CCDC88A: variants seen among roughly 807,000 people sequenced by gnomAD.
The protein encoded by CCDC88A is coiled-coil and HOOK domain protein 88A, also known as girdin.
CCDC88A carries 54 observed loss-of-function variants against 234.3 expected under a neutral mutation model. That is an observed-to-expected ratio of 0.23 (90% CI 0.19 to 0.29). The LOEUF is 0.29. CCDC88A is among the 10% of genes least tolerant of loss of function. CCDC88A has a pLI of 1.00. For missense variants in CCDC88A, 1,832 were observed against 2,123.4 expected, an observed-to-expected ratio of 0.86 and a Z score of 2.70; for synonymous variants, 753 against 737.8, an observed-to-expected ratio of 1.02 and a Z score of -0.33.
At chr2:55,303,047 C>G in intron 26 of CCDC88A, 22 bp downstream of exon 26, 1 of 1,453,694 alleles carries the variant, frequency 6.9e-7, no homozygotes, top group Non-Finnish European at 9.5e-7. Context: ...TTGAAAGAAG[C>G]TGAACTGTCA....
At position 55,355,735 on chromosome 2, in the gene CCDC88A, G is replaced by T; in HGVS notation, c.644C>A (p.Ser215Tyr). 1 of 1,613,474 alleles carries T rather than the reference G, an allele frequency of 6.2e-7. No individual in the cohort carries two copies. Among genetic ancestry groups the T allele is most frequent in the Non-Finnish European group, 8.5e-7 (1 of 1,179,450 alleles). ...AAAATGGAGACCATCCCGCTCTTCA[G>T]AGAGTTCTATGATAGTCTAGAAATA... Reference protein sequence around the residue: ...DEHSETIIELSEERDGLHFLP... With the variant: ...DEHSETIIELYEERDGLHFLP... The change falls in exon 8 of 33, where the codon TCT (serine) becomes TAT (tyrosine). Residue 215 changes from serine to tyrosine, a missense_variant. Ser to Tyr is a moderately radical substitution (Grantham distance 144, BLOSUM62 -2). Coordinates refer to ENST00000436346, the MANE Select transcript of CCDC88A (RefSeq NM_001365480.1).
At chr2:55,413,818 A>G (rs1680902318) in intron 2 of CCDC88A, among the ~76,000 whole-genome samples, 3 of 151,964 alleles carry the variant, frequency 2.0e-5, no homozygotes, top group South Asian at 4.1e-4. Flanking sequence ...CAAGCATGGT[A>G]GCGCGTGCCT....
In CCDC88A at chr2:55,335,331, TGAGG is replaced by T. The variant is rs1558690468; in HGVS notation, c.1657-171_1657-168del. ...TGAAGACCACTGTGTACACTTACTG[TGAGG>T]TCATTTACTGAAGACCACTGTGTAC... On this transcript the variant is annotated intron_variant, in intron 14 of 32. Transcript: ENST00000436346. This position sits in a 1 kb window ranked among gnomAD's most constrained non-coding sequence, Gnocchi z 4.5. 4.0e-4 allele frequency among the ~76,000 whole-genome samples: 20 copies of T among 50,558 alleles called. No individual in the cohort carries two copies. The highest frequency in any genetic ancestry group is 2.7e-3 in the African/African-American group (20 of 7,314). 33.2% of individuals were successfully genotyped at this position (50,558 alleles called of 152,430 possible). A position where few individuals can be genotyped will look rare whatever the true frequency, so the allele number is the denominator to read the frequency against.
chr2:55,298,396 G>A (rs1680457682), intron 29 of CCDC88A, among the ~76,000 whole-genome samples: 1 of 151,610 alleles, frequency 6.6e-6, no homozygotes, highest in Non-Finnish European at 1.5e-5. Context: ...TAGTGGGAGT[G>A]GGAAAGGAAC....
At chr2:55,307,050 T>A (rs4484068) in intron 25 of CCDC88A, among the ~76,000 whole-genome samples, 1 of 147,836 alleles carries the variant, frequency 6.8e-6, no homozygotes, top group Admixed American at 6.6e-5. Flanking sequence ...TTCAAAAGAA[T>A]AGAATGTGTC....
At chr2:55,390,138 A>T (rs13391433) in intron 2 of CCDC88A, among the ~76,000 whole-genome samples, 1 of 47,422 alleles carries the variant, frequency 2.1e-5, no homozygotes, top group South Asian at 5.4e-4. Context: ...AACAAAAACC[A>T]AACAAAAACA....
rs765489212 is a variant in CCDC88A at position 55,334,672 on chromosome 2, T to G, written c.2149A>C (p.Ser717Arg). The change falls in exon 15 of 33, where the codon AGC becomes CGC. Residue 717 changes from serine (S) to arginine (R), a missense_variant. Coordinates refer to ENST00000436346, the MANE Select transcript of CCDC88A (RefSeq NM_001365480.1). The surrounding 1 kb of genome is among the most constrained non-coding windows in gnomAD (Gnocchi z 6.1). ...RRNVESLKCA[S>R]MKMAQLQLEN... The stretch of plus-strand genomic sequence containing the variant: ...AGCTGTAGCTGAGCCATTTTCATGC[T>G]TGCACACTTCAAAGATTCTACATTC... The G allele has an allele frequency of 3.1e-6, 5 of 1,613,846 alleles. No individual in the cohort carries two copies. The highest frequency in any genetic ancestry group is 3.4e-6 in the Non-Finnish European group (4 of 1,179,864).
intron 7 of CCDC88A, among the ~76,000 whole-genome samples, chr2:55,361,019 G>C (rs1212608970): frequency 6.6e-6 from 1 of 152,210 alleles, no homozygotes; most frequent in African/African-American, 2.4e-5. Flanking sequence ...CTGGGAGACG[G>C]GGGTTGCAGT....
chr2:55,315,817 T>A (rs1356998062), intron 22 of CCDC88A, 111 bp downstream of exon 22: 2 of 539,210 alleles, frequency 3.7e-6, no homozygotes, highest in Non-Finnish European at 6.2e-6. Flanking sequence ...TTCTTTTAGA[T>A]ATATGCCACT....
At position 55,335,723 on chromosome 2, in the gene CCDC88A, G is replaced by A. The variant is rs917755677; in HGVS notation, c.1657-559C>T. Among the ~76,000 whole-genome samples the A allele has an allele frequency of 4.6e-5, 7 of 152,210 alleles. No individual in the cohort carries two copies. The highest frequency in any genetic ancestry group is 3.4e-3 in the Middle Eastern group (1 of 294). On this transcript the variant is annotated intron_variant, in intron 14 of 32. Transcript: ENST00000436346. This position sits in a 1 kb window ranked among gnomAD's most constrained non-coding sequence, Gnocchi z 4.5. ...GGAACTAATTCATCCAATTTATAGC[G>A]TGATCTAATACAATGATTCTCAAAA...
intron 2 of CCDC88A, among the ~76,000 whole-genome samples, chr2:55,391,079 G>T (rs972403453): frequency 2.0e-5 from 3 of 152,202 alleles, no homozygotes; most frequent in Non-Finnish European, 2.9e-5. Context: ...ATACAAGAAA[G>T]CTGTAAGCTA....
chr2:55,408,274 T>C (rs1260804160), intron 2 of CCDC88A, among the ~76,000 whole-genome samples: 2 of 152,038 alleles, frequency 1.3e-5, no homozygotes, highest in African/African-American at 4.8e-5. Context: ...TGCCCTCACT[T>C]CTAACCTACT....
At chr2:55,368,781 C>T (rs952227057) in intron 5 of CCDC88A, among the ~76,000 whole-genome samples, 1 of 152,176 alleles carries the variant, frequency 6.6e-6, no homozygotes, top group Non-Finnish European at 1.5e-5. Flanking sequence ...ATGCTATTTA[C>T]ATATTAGAAT....
At chr2:55,316,142 T>G in intron 21 of CCDC88A, 28 bp from the exon 22 acceptor site, 1 of 950,086 alleles carries the variant, frequency 1.1e-6, no homozygotes, top group Non-Finnish European at 1.5e-6. Context: ...AGAAATATAA[T>G]TAGATTATCT....
intron 2 of CCDC88A, among the ~76,000 whole-genome samples, chr2:55,411,414 T>C (rs1356938603): frequency 1.3e-5 from 2 of 152,136 alleles, no homozygotes; most frequent in East Asian, 1.9e-4. Flanking sequence ...ATGAATCATA[T>C]TGAGAATGAG....
intron 31 of CCDC88A, 59 bp from the exon 32 acceptor site, chr2:55,291,834 A>G: frequency 7.5e-7 from 1 of 1,338,988 alleles, no homozygotes; most frequent in Non-Finnish European, 1.1e-6. Flanking sequence ...TACAATTCAG[A>G]AGATAAGAAA....
At chr2:55,303,185 CAG>C (rs1244257909) in intron 25 of CCDC88A, 33 bp from the exon 26 acceptor site, 15 of 1,318,594 alleles carry the variant, frequency 1.1e-5, no homozygotes, top group African/African-American at 1.5e-5. Context: ...AAAACAGAAA[CAG>C]GGAGATGAAA....
intron 5 of CCDC88A, among the ~76,000 whole-genome samples, chr2:55,366,462 G>A (rs1574301346): frequency 6.6e-6 from 1 of 151,832 alleles, no homozygotes; most frequent in African/African-American, 2.4e-5. Flanking sequence ...AGGAGGCGGA[G>A]GTTGTAGTGA....
At chr2:55,401,938 C>T (rs1408844956) in intron 2 of CCDC88A, among the ~76,000 whole-genome samples, 2 of 152,036 alleles carry the variant, frequency 1.3e-5, no homozygotes, top group Non-Finnish European at 2.9e-5. Flanking sequence ...AAATCCAGTA[C>T]TATACATATA....
Sources: gnomAD v4.1 joint callset for allele counts (sites outside exome capture counted in the v4.1 genomes callset) on GRCh38, gnomAD v4.1.1 for gene constraint, Gnocchi (gnomAD v3.1) non-coding constraint, MANE v1.5 for transcripts, NCBI Gene and HGNC (gene_info 2026-07-23, HGNC 2026-07-21) for gene names.